Variants in COL8A2 observed in about 807,000 individuals in gnomAD.
The protein encoded by COL8A2 is collagen alpha-2(VIII) chain.
A neutral mutation model predicts 24.0 loss-of-function variants in COL8A2; 16 were observed. The ratio of observed to expected loss-of-function variants is 0.67; its 90% confidence interval spans 0.45 to 1.01. COL8A2 has a LOEUF of 1.01. COL8A2 is among the 50% of genes least tolerant of loss of function. The pLI is 0.00. For missense variants in COL8A2, 818 were observed against 942.4 expected (o/e 0.87, Z 1.73); for synonymous variants, 466 against 424.5 (o/e 1.10, Z -1.20).
At chr1:36,103,632 T>C (rs1451750387) in intron 2 of COL8A2, among the ~76,000 whole-genome samples, 2 of 150,968 alleles carry the variant, frequency 1.3e-5, no homozygotes, top group Admixed American at 6.6e-5. Flanking sequence ...CAGGCTGGAG[T>C]GCAATGAATG....
Position 36,100,244 on chromosome 1 carries a change from G to C in COL8A2, c.-2C>G. Reference sequence around the variant, plus strand: ...CAGGGGTGTCAGAGTCCCCAGCATGGCGTCCGTGGACGTGCTGCAAAGAAG... The same window carrying C: ...CAGGGGTGTCAGAGTCCCCAGCATGCCGTCCGTGGACGTGCTGCAAAGAAG... On this transcript the variant is annotated 5_prime_UTR_variant, in exon 3 of 4. Transcript: ENST00000397799. The C allele has an allele frequency of 1.9e-6, 3 of 1,553,136 alleles. No individual in the cohort carries two copies. Among genetic ancestry groups the C allele is most frequent in the Non-Finnish European group, 2.6e-6 (3 of 1,151,700 alleles).
Position 36,095,262 on chromosome 1 carries a change from G to C in COL8A2, c.*2307C>G, listed in dbSNP as rs1643544094. 1 of 152,124 alleles carries C rather than the reference G, an allele frequency of 6.6e-6. No homozygotes were observed. Among genetic ancestry groups the C allele is most frequent in the African/African-American group, 2.4e-5 (1 of 41,408 alleles). 9.4% of individuals were successfully genotyped at this position (152,124 alleles called of 1,614,324 possible). A position where few individuals can be genotyped will look rare whatever the true frequency, so the allele number is the denominator to read the frequency against. Reference sequence around the variant, plus strand: ...GCTGTTTTATACAACAGGTTTTATTGAGGATGTGTCAATACAGTTAACATG... The same window carrying C: ...GCTGTTTTATACAACAGGTTTTATTCAGGATGTGTCAATACAGTTAACATG... On this transcript the variant is annotated 3_prime_UTR_variant, in exon 4 of 4. Coordinates refer to ENST00000397799, the MANE Select transcript of COL8A2 (RefSeq NM_005202.4).
rs1180071885 is a variant in COL8A2 at position 36,115,317 on chromosome 1, C to T, written c.-17+391G>A. 3.3e-5 allele frequency among the ~76,000 whole-genome samples: 5 copies of T among 152,198 alleles called. No individual in the cohort carries two copies. Among genetic ancestry groups the T allele is most frequent in the African/African-American group, 1.2e-4 (5 of 41,452 alleles). ...GAGCGCCACCCGCCACCCGCTGCCT[C>T]CCCACGCCTGCCAAGATTCCTGGGC... On this transcript the variant is annotated intron_variant, in intron 2 of 3. Transcript: ENST00000397799. This position sits in a 1 kb window ranked among gnomAD's most constrained non-coding sequence, Gnocchi z 5.7.
intron 1 of COL8A2, among the ~76,000 whole-genome samples, chr1:36,119,061 T>C (rs1643892725): frequency 6.6e-6 from 1 of 152,182 alleles, no homozygotes; most frequent in South Asian, 2.1e-4. Flanking sequence ...CTGGAACTGC[T>C]GTCCCATTTT....
chr1:36,118,557 C>T (rs1488545601), intron 1 of COL8A2, among the ~76,000 whole-genome samples: 1 of 152,216 alleles, frequency 6.6e-6, no homozygotes, highest in Non-Finnish European at 1.5e-5. Flanking sequence ...AACCTTCACC[C>T]CCAGCTGCCT....
Position 36,115,350 on chromosome 1 carries a change from G to C in COL8A2, c.-17+358C>G, listed in dbSNP as rs1348429684. 2.0e-5 allele frequency among the ~76,000 whole-genome samples: 3 copies of C among 152,204 alleles called. No individual in the cohort carries two copies. Among genetic ancestry groups the C allele is most frequent in the African/African-American group, 4.8e-5 (2 of 41,454 alleles). On this transcript the variant is annotated intron_variant, in intron 2 of 3. Coordinates refer to ENST00000397799, the MANE Select transcript of COL8A2 (RefSeq NM_005202.4). This position sits in a 1 kb window ranked among gnomAD's most constrained non-coding sequence, Gnocchi z 5.7. The stretch of plus-strand genomic sequence containing the variant: ...CTGCCAAGATTCCTGGGCCTCTGCG[G>C]CTACCCTGCGTGGTGGCGGCAGCAG...
intron 2 of COL8A2, among the ~76,000 whole-genome samples, chr1:36,102,150 G>A (rs1244346041): frequency 6.6e-6 from 1 of 152,144 alleles, no homozygotes; most frequent in Non-Finnish European, 1.5e-5. Flanking sequence ...GGGTGACAGA[G>A]GGAGACCTGG....
intron 2 of COL8A2, among the ~76,000 whole-genome samples, chr1:36,101,014 C>T (rs920944018): frequency 6.6e-6 from 1 of 150,574 alleles, no homozygotes; most frequent in Admixed American, 6.7e-5. Flanking sequence ...GTGCCTTAGC[C>T]TCCCAAGTAG....
rs893904332 is a variant in COL8A2, at chr1:36,096,149, G to A, written c.*1420C>T. On this transcript the variant is annotated 3_prime_UTR_variant, in exon 4 of 4. Coordinates refer to ENST00000397799, the MANE Select transcript of COL8A2 (RefSeq NM_005202.4). ...GTACAAGGAGTGGGGCTGGCCTGGC[G>A]AGGGCCGAGCGCGAGGCCCTGCAGC... The A allele has an allele frequency of 6.6e-6, 1 of 152,194 alleles. No homozygotes were observed. Among genetic ancestry groups the A allele is most frequent in the Non-Finnish European group, 1.5e-5 (1 of 68,146 alleles). 9.4% of individuals were successfully genotyped at this position (152,194 alleles called of 1,614,324 possible).
intron 2 of COL8A2, among the ~76,000 whole-genome samples, chr1:36,101,095 T>A (rs1013678682): frequency 6.6e-6 from 1 of 152,076 alleles, no homozygotes; most frequent in Admixed American, 6.6e-5. Flanking sequence ...AGTTTCGCCA[T>A]GTTGGCCAGG....
rs1435627331 is a variant in COL8A2 at position 36,098,769 on chromosome 1, C to A, written c.912G>T (p.Arg304=). ...TGGGGCCTATCAGCCCAGGGGGGCC[C>A]CGGGTCCCTGGCTCCCCTTTGGCCC... ...PSGAKGEPGT[R]GPPGLIGPTG... Residue 304 remains arginine, a synonymous_variant, in exon 4 of 4, where the codon CGG becomes CGT. Transcript: ENST00000397799. 4.3e-6 allele frequency: 7 copies of A among 1,611,586 alleles called. No individual in the cohort carries two copies. The highest frequency in any genetic ancestry group is 5.9e-6 in the Non-Finnish European group (7 of 1,179,540).
At chr1:36,107,859 C>T (rs1643782454) in intron 2 of COL8A2, among the ~76,000 whole-genome samples, 1 of 152,100 alleles carries the variant, frequency 6.6e-6, no homozygotes. Context: ...GCTCTCTGGC[C>T]TCTGTACATT....
intron 3 of COL8A2, 94 bp downstream of exon 3, chr1:36,099,956 T>C: frequency 8.3e-7 from 1 of 1,200,604 alleles, no homozygotes; most frequent in South Asian, 1.2e-5. Flanking sequence ...TGAGGAGCTG[T>C]GGAGGGCGCC....
chr1:36,123,470 G>A lies in COL8A2; in HGVS notation c.-62+1587C>T, dbSNP rs1306756418. ...TTCTTTCCCCTTCCTCTGAGCCAAAGAGCGGAAATTCTCATTTTCACTGTG... is the reference window on the plus strand; with the variant it reads ...TTCTTTCCCCTTCCTCTGAGCCAAAAAGCGGAAATTCTCATTTTCACTGTG... On this transcript the variant is annotated intron_variant, in intron 1 of 3. Coordinates refer to ENST00000397799, the MANE Select transcript of COL8A2 (RefSeq NM_005202.4). The surrounding 1 kb of genome is among the most constrained non-coding windows in gnomAD (Gnocchi z 4.1). Among the ~76,000 whole-genome samples, 1 of 152,204 alleles carries A rather than the reference G, an allele frequency of 6.6e-6. No individual in the cohort carries two copies. The highest frequency in any genetic ancestry group is 1.5e-5 in the Non-Finnish European group (1 of 68,048).
At chr1:36,113,085 C>T (rs1332483006) in intron 2 of COL8A2, among the ~76,000 whole-genome samples, 1 of 152,132 alleles carries the variant, frequency 6.6e-6, no homozygotes, top group Non-Finnish European at 1.5e-5. Flanking sequence ...CCCAGCAAAG[C>T]CCTGAGGTCA....
chr1:36,124,026 T>C (rs557207772), intron 1 of COL8A2, among the ~76,000 whole-genome samples: 257 of 152,162 alleles, frequency 1.7e-3, no homozygotes, highest in Non-Finnish European at 2.0e-3. Flanking sequence ...GCCATCCAGC[T>C]CCACGGCCCC....
At position 36,115,895 on chromosome 1, in the gene COL8A2, G is replaced by A. The variant is rs1269445068; in HGVS notation, c.-61-143C>T. ...TGGGCAACATAGGGAGACATTGTCT[G>A]TACTAAAAATTTTAAAAAATTAGCT... On this transcript the variant is annotated intron_variant, in intron 1 of 3. Transcript: ENST00000397799. The surrounding 1 kb of genome is among the most constrained non-coding windows in gnomAD (Gnocchi z 5.7). 1.1e-5 allele frequency: 3 copies of A among 274,808 alleles called. No individual in the cohort carries two copies. The highest frequency in any genetic ancestry group is 1.7e-5 in the Non-Finnish European group (3 of 180,708). The allele number at this position is 274,808 out of a possible 1,614,324, so 17.0% of individuals were successfully genotyped here.
intron 1 of COL8A2, among the ~76,000 whole-genome samples, chr1:36,116,493 C>A (rs1421276919): frequency 6.6e-6 from 1 of 152,218 alleles, no homozygotes; most frequent in Non-Finnish European, 1.5e-5. Context: ...GGTCATGGAC[C>A]ACAGAAATGG....
Position 36,106,795 on chromosome 1 carries a change from G to A in COL8A2, c.-16-6537C>T, listed in dbSNP as rs139654686. The stretch of plus-strand genomic sequence containing the variant: ...CCACCTTTCCTTCCTCCTTGGTAAT[G>A]GGGGTCCTCCAGCAAGTGTCCTTGA... On this transcript the variant is annotated intron_variant, in intron 2 of 3. Transcript: ENST00000397799. Among the ~76,000 whole-genome samples the A allele has an allele frequency of 9.7e-4, 148 of 152,324 alleles. 2 individuals are homozygous for A. Among genetic ancestry groups the A allele is most frequent in the Non-Finnish European group, 1.7e-3 (116 of 68,030 alleles).
Sources: allele counts gnomAD v4.1 joint callset (sites outside exome capture counted in the v4.1 genomes callset), GRCh38; gene constraint gnomAD v4.1.1; non-coding constraint Gnocchi (gnomAD v3.1); transcripts MANE v1.5; gene names NCBI Gene and HGNC (gene_info 2026-07-23, HGNC 2026-07-21).